The following BAHCC1 variants were observed in gnomAD, a reference collection of about 807,000 sequenced individuals.
BAHCC1 encodes the protein BAH domain and coiled-coil containing 1.
In BAHCC1, 43 loss-of-function variants were observed where a neutral mutation model predicts 88.2. The ratio of observed to expected loss-of-function variants is 0.49; its 90% CI spans 0.38 to 0.63. The LOEUF is 0.63. BAHCC1 is among the 20% of genes least tolerant of loss of function. BAHCC1 has a pLI of 0.00. For synonymous variants in BAHCC1, 1,510 were observed against 745.5 expected (o/e 2.03, Z -16.71); for missense variants, 3,023 against 1,654.8 (o/e 1.83, Z -14.34).
Position 81,463,811 on chromosome 17 carries a change from ATGC to A in BAHCC1, c.7824_7826del (p.Cys2608del), listed in dbSNP as rs1206076896. The A allele has an allele frequency of 1.4e-6, 1 of 729,088 alleles. No homozygotes were observed. Among genetic ancestry groups the A allele is most frequent in the African/African-American group, 1.7e-5 (1 of 57,776 alleles). 45.2% of individuals were successfully genotyped at this position (729,088 alleles called of 1,614,324 possible). A position where few individuals can be genotyped will look rare whatever the true frequency, so the allele number is the denominator to read the frequency against. The stretch of plus-strand genomic sequence containing the variant: ...TGACGGCTGATGGCGTGCCCATCCT[ATGC>A]TGAGCCGCCCACCGCAGATGCCTCC... On this transcript the variant is annotated inframe_deletion, in exon 28 of 28. Coordinates refer to ENST00000675386, the MANE Select transcript of BAHCC1 (RefSeq NM_001377448.1).
In BAHCC1 at chr17:81,434,964, T is replaced by A. The variant is rs543310784; in HGVS notation, c.359-3406T>A. Among the ~76,000 whole-genome samples, 2 of 151,914 alleles carry A rather than the reference T, an allele frequency of 1.3e-5. No homozygotes were observed. Among genetic ancestry groups the A allele is most frequent in the African/African-American group, 4.8e-5 (2 of 41,386 alleles). On this transcript the variant is annotated intron_variant, in intron 3 of 27. Transcript: ENST00000675386. This position sits in a 1 kb window ranked among gnomAD's most constrained non-coding sequence, Gnocchi z 4.9. ...GGGGCTCCTCCTCCCTCCCCAGGGG[T>A]GAGAAGCCACCAGGCCTCCCTTCTC...
At chr17:81,417,668 C>T (rs1034205260) in intron 2 of BAHCC1, among the ~76,000 whole-genome samples, 62 of 151,786 alleles carry the variant, frequency 4.1e-4, no homozygotes, top group African/African-American at 1.4e-3. Context: ...CTGAGCCCAT[C>T]CTGTCATCAT....
At chr17:81,459,932 CCCT>C (rs2030095493) in intron 23 of BAHCC1, among the ~76,000 whole-genome samples, 1 of 152,134 alleles carries the variant, frequency 6.6e-6, no homozygotes, top group African/African-American at 2.4e-5. Context: ...GCATGTAGGT[CCCT>C]AGGGCGAAAG....
At position 81,463,934 on chromosome 17, in the gene BAHCC1, T is replaced by C; in HGVS notation, c.*117T>C. On this transcript the variant is annotated 3_prime_UTR_variant, in exon 28 of 28. Coordinates refer to ENST00000675386, the MANE Select transcript of BAHCC1 (RefSeq NM_001377448.1). Reference sequence around the variant, plus strand: ...CCTCCCAAGGGCGCATCTGAGCAAATATGCAAAAGCCCACAGGGCAAGACC... The same window carrying C: ...CCTCCCAAGGGCGCATCTGAGCAAACATGCAAAAGCCCACAGGGCAAGACC... 1.5e-6 allele frequency: 1 copy of C among 651,416 alleles called. No individual in the cohort carries two copies. Among genetic ancestry groups the C allele is most frequent in the Non-Finnish European group, 2.8e-6 (1 of 359,562 alleles). 40.4% of individuals were successfully genotyped at this position (651,416 alleles called of 1,614,324 possible).
At position 81,399,386 on chromosome 17, in the gene BAHCC1, G is replaced by GC. The variant is rs1165648529; in HGVS notation, c.-206-144dup. The GC allele has an allele frequency of 7.6e-6, 1 of 131,784 alleles. No individual in the cohort carries two copies. Among genetic ancestry groups the GC allele is most frequent in the Non-Finnish European group, 1.6e-5 (1 of 61,054 alleles). 8.2% of individuals were successfully genotyped at this position (131,784 alleles called of 1,614,324 possible). On this transcript the variant is annotated intron_variant, in intron 1 of 27. Coordinates refer to ENST00000675386, the MANE Select transcript of BAHCC1 (RefSeq NM_001377448.1). The surrounding 1 kb of genome is among the most constrained non-coding windows in gnomAD (Gnocchi z 4.5). ...CGCGTGCGGCGGGGAGACACCGAGC[G>GC]CCCCGGCCCCGCCACCCGGCCTGGC... is the stretch of plus-strand genomic sequence containing the variant.
At chr17:81,422,010 C>G (rs769240873) in intron 2 of BAHCC1, 3 of 262,038 alleles carry the variant, frequency 1.1e-5, no homozygotes, top group South Asian at 6.5e-5. Context: ...CGCTTCCTCT[C>G]GTGATTTTTT....
Position 81,445,015 on chromosome 17 carries a change from C to A in BAHCC1, c.2672C>A (p.Ala891Glu). ...PTPHSAPHALADVMDQASLWP... is the reference protein window; with the variant it reads ...PTPHSAPHALEDVMDQASLWP... ...GACCCCTCCTGGGCCCTGCCCACAG[C>A]GGATGTCATGGACCAGGCGTCACTG... Residue 891 changes from alanine (A) to glutamate (E), a missense_variant and splice_region_variant, in exon 9 of 28, where the codon GCG (alanine) becomes GAG (glutamate). Transcript: ENST00000675386. 1 of 758,166 alleles carries A rather than the reference C, an allele frequency of 1.3e-6. No individual in the cohort carries two copies. Among genetic ancestry groups the A allele is most frequent in the Non-Finnish European group, 2.4e-6 (1 of 410,214 alleles). 47.0% of individuals were successfully genotyped at this position (758,166 alleles called of 1,614,324 possible). A position where few individuals can be genotyped will look rare whatever the true frequency, so the allele number is the denominator to read the frequency against.
intron 2 of BAHCC1, among the ~76,000 whole-genome samples, chr17:81,426,069 T>C (rs1305320752): frequency 0.017 from 487 of 29,480 alleles, no homozygotes; most frequent in East Asian, 0.068. Flanking sequence ...GTGGGTGATG[T>C]GGTTGGTGGT....
rs1555653078 is a variant in BAHCC1, at chr17:81,442,951, C to T, written c.1602C>T (p.Gly534=). The change falls in exon 5 of 28, where the codon GGC becomes GGT. Residue 534 remains glycine (G), a synonymous_variant. Coordinates refer to ENST00000675386, the MANE Select transcript of BAHCC1 (RefSeq NM_001377448.1). The part of the protein sequence containing the change: ...DKTVGKEAPA[G]PPGAQKVARI... Reference sequence around the variant, plus strand: ...CTGTTGGCAAGGAAGCCCCGGCCGGCCCCCCAGGGGCACAGAAGGTGGCCC... The same window carrying T: ...CTGTTGGCAAGGAAGCCCCGGCCGGTCCCCCAGGGGCACAGAAGGTGGCCC... 2.6e-6 allele frequency: 2 copies of T among 778,966 alleles called. No homozygotes were observed. The highest frequency in any genetic ancestry group is 1.7e-5 in the Admixed American group (1 of 58,992). 48.3% of individuals were successfully genotyped at this position (778,966 alleles called of 1,614,324 possible). A position where few individuals can be genotyped will look rare whatever the true frequency, so the allele number is the denominator to read the frequency against.
chr17:81,446,727 T>C (rs1291198000), intron 10 of BAHCC1: 1 of 517,608 alleles, frequency 1.9e-6, no homozygotes, highest in Non-Finnish European at 3.8e-6. Flanking sequence ...TGTTCTTTAA[T>C]TTTTTTGTAG....
At chr17:81,448,214 C>A (rs1228337121) in intron 11 of BAHCC1, among the ~76,000 whole-genome samples, 1 of 152,228 alleles carries the variant, frequency 6.6e-6, no homozygotes, top group African/African-American at 2.4e-5. Context: ...CAGGCCTCCA[C>A]CTCCTCAGCC....
chr17:81,461,389 C>T lies in BAHCC1; in HGVS notation c.6726C>T (p.Pro2242=), dbSNP rs111753415. The change falls in exon 26 of 28, where the codon CCC becomes CCT. Residue 2242 remains proline (P), a synonymous_variant. Transcript: ENST00000675386. ...DFSPKLGRPL[P]SPSYVHPALV... ...GCCCCAAGCTCGGGCGGCCCCTGCC[C>T]AGCCCCAGCTATGTGCACCCGGCCC... 2,489 of 722,220 alleles carry T rather than the reference C, an allele frequency of 3.4e-3. 9 individuals carry two copies. Among genetic ancestry groups the T allele is most frequent in the Non-Finnish European group, 5.3e-3 (2,080 of 391,896 alleles). 44.7% of individuals were successfully genotyped at this position (722,220 alleles called of 1,614,324 possible).
chr17:81,439,212 T>G (rs1354888720), intron 4 of BAHCC1, among the ~76,000 whole-genome samples: 2 of 152,084 alleles, frequency 1.3e-5, no homozygotes, highest in African/African-American at 2.4e-5. Context: ...CCAAGTTGGG[T>G]TTCCTCTGGT....
Position 81,460,388 on chromosome 17 carries a change from A to G in BAHCC1, c.6017A>G (p.Lys2006Arg). The part of the protein sequence containing the change: ...SNVRLLPPDF[K>R]IQCTEPSPAL... Reference sequence around the variant, plus strand: ...GTCAGGCTGCTGCCCCCTGACTTCAAGATCCAGTGTGAGCCTGGGAGCTGC... The same window carrying G: ...GTCAGGCTGCTGCCCCCTGACTTCAGGATCCAGTGTGAGCCTGGGAGCTGC... The change falls in exon 24 of 28, where the codon AAG becomes AGG. Residue 2006 changes from lysine to arginine, a missense_variant. Physicochemically the swap from Lys to Arg is conservative, Grantham distance 26. Transcript: ENST00000675386. The G allele has an allele frequency of 1.3e-6, 1 of 765,494 alleles. No homozygotes were observed. Among genetic ancestry groups the G allele is most frequent in the Non-Finnish European group, 2.4e-6 (1 of 411,156 alleles). The allele number at this position is 765,494 out of a possible 1,614,324, so 47.4% of individuals were successfully genotyped here.
chr17:81,455,561 G>A (rs562205319), intron 15 of BAHCC1, among the ~76,000 whole-genome samples, 171 bp downstream of exon 15: 4 of 152,322 alleles, frequency 2.6e-5, no homozygotes, highest in South Asian at 2.1e-4. Flanking sequence ...GTGACCCTGC[G>A]GTGTAACACA....
chr17:81,412,644 C>CCCTTCCCGTA (rs2063968738), intron 2 of BAHCC1, among the ~76,000 whole-genome samples: 1 of 152,214 alleles, frequency 6.6e-6, no homozygotes, highest in African/African-American at 2.4e-5. Context: ...TCCCTCCTGG[C>CCCTTCCCGTA]CCTTCCCGTA....
chr17:81,415,951 C>T (rs1227835792), intron 2 of BAHCC1, among the ~76,000 whole-genome samples: 1 of 150,906 alleles, frequency 6.6e-6, no homozygotes, highest in Non-Finnish European at 1.5e-5. Flanking sequence ...TCCAGGCAGG[C>T]CAGGCTGGGA....
At chr17:81,422,929 G>A in intron 2 of BAHCC1, 1 of 294,256 alleles carries the variant, frequency 3.4e-6, no homozygotes, top group South Asian at 2.5e-5. Context: ...CACCCCACAG[G>A]CATGCCCCAG....
chr17:81,402,823 C>T (rs961035308), intron 2 of BAHCC1: 5 of 152,176 alleles, frequency 3.3e-5, no homozygotes, highest in East Asian at 1.9e-4. Context: ...TCTGAGGGGC[C>T]CTGATGGGTG....
Sources: allele counts gnomAD v4.1 joint callset (sites outside exome capture counted in the v4.1 genomes callset), GRCh38; gene constraint gnomAD v4.1.1; non-coding constraint Gnocchi (gnomAD v3.1); transcripts MANE v1.5; gene names NCBI Gene and HGNC (gene_info 2026-07-23, HGNC 2026-07-21).